CCSER1: variants seen among roughly 807,000 people sequenced by gnomAD.
CCSER1 encodes the protein serine-rich coiled-coil domain-containing protein 1.
A neutral mutation model predicts 82.0 loss-of-function variants in CCSER1; 41 were observed. The ratio of observed to expected loss-of-function variants is 0.50; its 90% CI spans 0.39 to 0.65. CCSER1 has a LOEUF of 0.65. CCSER1 is among the 30% of genes least tolerant of loss of function. The probability of loss-of-function intolerance (pLI) is 0.00; values close to 1 mark genes in which losing one functional copy is unlikely to be tolerated. For synonymous variants in CCSER1, 414 were observed against 383.9 expected (o/e 1.08, Z -0.92); for missense variants, 1,119 against 1,064.2 (o/e 1.05, Z -0.72).
At chr4:90,333,648 A>G (rs1037179106) in intron 3 of CCSER1, among the ~76,000 whole-genome samples, 9 of 152,200 alleles carry the variant, frequency 5.9e-5, no homozygotes, top group African/African-American at 1.4e-4. Context: ...GTTGTCCACA[A>G]TTGTCAAAGT....
At chr4:90,848,155 A>C (rs1206697228) in intron 8 of CCSER1, among the ~76,000 whole-genome samples, 2 of 152,176 alleles carry the variant, frequency 1.3e-5, no homozygotes, top group Admixed American at 1.3e-4. Context: ...AACACTATGT[A>C]AGGGGGTAGG....
At chr4:90,814,100 C>T (rs2149756764) in intron 7 of CCSER1, among the ~76,000 whole-genome samples, 4 of 152,326 alleles carry the variant, frequency 2.6e-5, no homozygotes, top group Middle Eastern at 6.8e-3. Flanking sequence ...GGCCCAACAC[C>T]ACATGTAAGC....
chr4:90,800,370 G>T (rs999530987), intron 7 of CCSER1, among the ~76,000 whole-genome samples: 25 of 151,932 alleles, frequency 1.6e-4, no homozygotes, highest in African/African-American at 6.0e-4. Flanking sequence ...CCAAAATGTT[G>T]TGATTACACA....
chr4:91,263,817 C>T (rs986432935), intron 10 of CCSER1, among the ~76,000 whole-genome samples: 2 of 151,764 alleles, frequency 1.3e-5, no homozygotes, highest in Non-Finnish European at 2.9e-5. Flanking sequence ...AAAAATTCTC[C>T]TACTTCAATA....
intron 10 of CCSER1, among the ~76,000 whole-genome samples, chr4:91,492,185 G>A (rs952070842): frequency 6.6e-6 from 1 of 151,850 alleles, no homozygotes; most frequent in Non-Finnish European, 1.5e-5. Context: ...ACATTATAAT[G>A]GCTGGATTTT....
intron 7 of CCSER1, among the ~76,000 whole-genome samples, chr4:90,805,813 C>T (rs1757426130): frequency 6.6e-6 from 1 of 152,132 alleles, no homozygotes; most frequent in Non-Finnish European, 1.5e-5. Flanking sequence ...AAATTGGTTA[C>T]ATTAGCCTAC....
At chr4:91,535,597 G>A (rs769237112) in intron 10 of CCSER1, among the ~76,000 whole-genome samples, 13 of 151,996 alleles carry the variant, frequency 8.6e-5, no homozygotes, top group Non-Finnish European at 1.6e-4. Context: ...TTTATGAAAC[G>A]ATTTCTGTTT....
chr4:90,900,100 T>A (rs556899508), intron 8 of CCSER1, among the ~76,000 whole-genome samples: 1 of 148,906 alleles, frequency 6.7e-6, no homozygotes, highest in Non-Finnish European at 1.5e-5. Flanking sequence ...CAGAGTTTTT[T>A]TTTTTTTTTT....
chr4:90,507,887 CAGTG>C (rs1235000567), intron 5 of CCSER1, among the ~76,000 whole-genome samples: 1 of 151,816 alleles, frequency 6.6e-6, no homozygotes, highest in Non-Finnish European at 1.5e-5. Flanking sequence ...TTTGACAACT[CAGTG>C]AGAAGATTCA....
chr4:91,115,696 G>T (rs1457456771), intron 10 of CCSER1, among the ~76,000 whole-genome samples: 4 of 151,668 alleles, frequency 2.6e-5, no homozygotes. Context: ...AATTTCAATG[G>T]AATGTTGAAT....
intron 9 of CCSER1, among the ~76,000 whole-genome samples, chr4:90,958,816 C>T (rs184917015): frequency 6.6e-6 from 1 of 152,244 alleles, no homozygotes; most frequent in Non-Finnish European, 1.5e-5. Flanking sequence ...GAAATAAATA[C>T]TTGTTGTTTA....
chr4:91,124,781 A>G (rs1727366639), intron 10 of CCSER1, among the ~76,000 whole-genome samples: 1 of 151,838 alleles, frequency 6.6e-6, no homozygotes, highest in Non-Finnish European at 1.5e-5. Flanking sequence ...AAAGATTTTT[A>G]TGGTTGTTTT....
intron 10 of CCSER1, among the ~76,000 whole-genome samples, chr4:91,259,615 C>T (rs1209037367): frequency 6.6e-6 from 1 of 151,680 alleles, no homozygotes; most frequent in Non-Finnish European, 1.5e-5. Context: ...CAACAGGCCC[C>T]AATATGTGAT....
chr4:90,662,489 A>G (rs1335951331), intron 6 of CCSER1, among the ~76,000 whole-genome samples: 2 of 152,062 alleles, frequency 1.3e-5, no homozygotes, highest in African/African-American at 4.8e-5. Context: ...TCAAATTATA[A>G]TGTTCTGTGA....
At chr4:91,426,697 TG>T (rs1730186537) in intron 10 of CCSER1, among the ~76,000 whole-genome samples, 2 of 152,350 alleles carry the variant, frequency 1.3e-5, no homozygotes, top group South Asian at 4.1e-4. Flanking sequence ...AAATGTTTCT[TG>T]TTGACTTTTA....
intron 10 of CCSER1, among the ~76,000 whole-genome samples, chr4:91,497,124 C>G (rs961679116): frequency 6.6e-6 from 1 of 151,040 alleles, no homozygotes; most frequent in African/African-American, 2.4e-5. Flanking sequence ...GGCTTAAATC[C>G]CAGATTTCCA....
intron 8 of CCSER1, among the ~76,000 whole-genome samples, chr4:90,897,588 G>T (rs985077269): frequency 2.0e-5 from 3 of 152,014 alleles, no homozygotes; most frequent in African/African-American, 7.2e-5. Flanking sequence ...GAATAGTGCT[G>T]CAGTAAACAT....
intron 9 of CCSER1, among the ~76,000 whole-genome samples, chr4:90,937,639 CT>C (rs1396008838): frequency 1.3e-5 from 2 of 152,068 alleles, no homozygotes; most frequent in East Asian, 3.9e-4. Flanking sequence ...AAACTAAAAC[CT>C]TTTATTCCAT....
intron 9 of CCSER1, among the ~76,000 whole-genome samples, chr4:91,022,569 C>T (rs1740094850): frequency 6.6e-6 from 1 of 152,078 alleles, no homozygotes; most frequent in Non-Finnish European, 1.5e-5. Context: ...GTTCTAGATC[C>T]CTGAGGAATC....
Sources: gnomAD v4.1 joint callset for allele counts (sites outside exome capture counted in the v4.1 genomes callset) on GRCh38, gnomAD v4.1.1 for gene constraint, MANE v1.5 for transcripts, NCBI Gene and HGNC (gene_info 2026-07-23, HGNC 2026-07-21) for gene names.